Variants in KHDRBS2 observed in about 807,000 individuals in gnomAD.
KHDRBS2 encodes KH RNA binding domain containing, signal transduction associated 2.
Under a neutral mutation model 44.3 loss-of-function variants are expected in KHDRBS2, and 26 were observed. That is an observed-to-expected ratio of 0.59 (90% confidence interval 0.43 to 0.81). The LOEUF (loss-of-function observed/expected upper bound fraction) is 0.81, where lower values mean the gene tolerates loss of function less well. Ranked by LOEUF, KHDRBS2 falls within the 40% of genes least tolerant of loss-of-function variation. The pLI is 0.00. For missense variants in KHDRBS2, 476 were observed against 433.1 expected, an observed-to-expected ratio of 1.10 and a Z score of -0.88; for synonymous variants, 194 against 151.1, an observed-to-expected ratio of 1.28 and a Z score of -2.08.
At chr6:61,737,022 A>ATC (rs1562063090) in intron 6 of KHDRBS2, among the ~76,000 whole-genome samples, 1 of 152,106 alleles carries the variant, frequency 6.6e-6, no homozygotes, top group African/African-American at 2.4e-5. Context: ...ACAAATATAT[A>ATC]TTGAATTGTT....
At chr6:62,047,430 G>C (rs1026079106) in intron 3 of KHDRBS2, among the ~76,000 whole-genome samples, 1 of 151,884 alleles carries the variant, frequency 6.6e-6, no homozygotes, top group Non-Finnish European at 1.5e-5. Flanking sequence ...TAGATTTGCA[G>C]ATAAGTATTA....
chr6:62,252,489 TTTTA>T (rs1836714422), intron 1 of KHDRBS2, among the ~76,000 whole-genome samples: 1 of 151,982 alleles, frequency 6.6e-6, no homozygotes, highest in Non-Finnish European at 1.5e-5. Context: ...ATTGGATTTT[TTTTA>T]CCAGTTCTAT....
At chr6:62,234,551 C>T (rs1415155439) in intron 1 of KHDRBS2, among the ~76,000 whole-genome samples, 12 of 151,946 alleles carry the variant, frequency 7.9e-5, no homozygotes, top group Admixed American at 3.9e-4. Context: ...TTTAAAAATA[C>T]GGTTTTAAAA....
At chr6:61,641,098 T>C in the KHDRBS2 span, among the ~76,000 whole-genome samples, 2 of 152,156 alleles carry the variant, frequency 1.3e-5, no homozygotes, top group Admixed American at 1.3e-4. Flanking sequence ...TTCCCAGTTT[T>C]CAATCACCAT....
intron 4 of KHDRBS2, among the ~76,000 whole-genome samples, chr6:61,905,106 G>C (rs1804721726): frequency 6.6e-6 from 1 of 152,140 alleles, no homozygotes; most frequent in South Asian, 2.1e-4. Flanking sequence ...ATAGCAATGA[G>C]TATTTTTAAG....
At chr6:62,242,912 G>T (rs1834925876) in intron 1 of KHDRBS2, among the ~76,000 whole-genome samples, 1 of 152,064 alleles carries the variant, frequency 6.6e-6, no homozygotes, top group South Asian at 2.1e-4. Flanking sequence ...TACTTTGTCA[G>T]GTGCCACAAC....
intron 2 of KHDRBS2, among the ~76,000 whole-genome samples, chr6:62,139,664 T>C (rs1484681582): frequency 6.6e-6 from 1 of 152,180 alleles, no homozygotes; most frequent in East Asian, 1.9e-4. Flanking sequence ...TCAATATACA[T>C]ATTTCACATT....
intron 3 of KHDRBS2, among the ~76,000 whole-genome samples, chr6:62,015,263 T>A (rs914114632): frequency 2.0e-5 from 3 of 152,198 alleles, no homozygotes; most frequent in Admixed American, 6.6e-5. Context: ...TTATACAATT[T>A]GATTTTTACA....
intron 2 of KHDRBS2, among the ~76,000 whole-genome samples, chr6:62,150,108 G>T (rs114801904): frequency 0.014 from 2,187 of 152,144 alleles, 22 homozygotes; most frequent in Middle Eastern, 0.092. Flanking sequence ...GTATAAGGGA[G>T]TCTTAGAGAG....
chr6:61,750,124 CCAA>C (rs775881112), intron 6 of KHDRBS2, among the ~76,000 whole-genome samples: 12 of 152,038 alleles, frequency 7.9e-5, no homozygotes, highest in Non-Finnish European at 1.6e-4. Context: ...AGCCACAGCA[CCAA>C]CAAGATAACA....
chr6:61,955,509 CACATAT>C lies in KHDRBS2; in HGVS notation c.483+22551_483+22556del, dbSNP rs1185539106. 2.6e-4 allele frequency among the ~76,000 whole-genome samples: 18 copies of C among 69,322 alleles called. 4 individuals are homozygous for C. The highest frequency in any genetic ancestry group is 6.4e-4 in the African/African-American group (10 of 15,618). 45.5% of individuals were successfully genotyped at this position (69,322 alleles called of 152,430 possible). On this transcript the variant is annotated intron_variant, in intron 4 of 8. Transcript: ENST00000281156. ...ATGTATGTATACATGTGTATATATA[CACATAT>C]GTATGTATGTATACATGTGTATATA...
the KHDRBS2 span, among the ~76,000 whole-genome samples, chr6:61,594,736 T>C: frequency 6.6e-6 from 1 of 152,104 alleles, no homozygotes; most frequent in Non-Finnish European, 1.5e-5. Context: ...AATAAATATG[T>C]TTACTATCTC....
intron 3 of KHDRBS2, among the ~76,000 whole-genome samples, chr6:62,028,341 A>G (rs969653016): frequency 2.0e-5 from 3 of 152,152 alleles, no homozygotes; most frequent in Non-Finnish European, 4.4e-5. Flanking sequence ...AATCTGGATA[A>G]GACTTAAGAT....
At chr6:61,671,628 A>G in the KHDRBS2 span, among the ~76,000 whole-genome samples, 1 of 151,714 alleles carries the variant, frequency 6.6e-6, no homozygotes, top group Non-Finnish European at 1.5e-5. Flanking sequence ...ACCTGTTACC[A>G]AAAACAGCTA....
intron 2 of KHDRBS2, among the ~76,000 whole-genome samples, chr6:62,103,212 A>T (rs1802304137): frequency 6.6e-6 from 1 of 152,038 alleles, no homozygotes; most frequent in South Asian, 2.1e-4. Flanking sequence ...TGACTTGAAG[A>T]TGGGGTTTCA....
chr6:61,665,349 T>C, the KHDRBS2 span, among the ~76,000 whole-genome samples: 1 of 151,352 alleles, frequency 6.6e-6, no homozygotes, highest in South Asian at 2.1e-4. Flanking sequence ...AATGTAAGGG[T>C]ATATTTTTAA....
intron 7 of KHDRBS2, among the ~76,000 whole-genome samples, chr6:61,699,303 G>C (rs1768293591): frequency 6.6e-6 from 1 of 151,734 alleles, no homozygotes; most frequent in Non-Finnish European, 1.5e-5. Context: ...AATTATTATT[G>C]GGCTAATTCA....
chr6:62,239,919 A>C (rs1834326139), intron 1 of KHDRBS2, among the ~76,000 whole-genome samples: 1 of 152,096 alleles, frequency 6.6e-6, no homozygotes, highest in African/African-American at 2.4e-5. Context: ...TCCTGACCTC[A>C]GGTGGTCCAC....
the KHDRBS2 span, among the ~76,000 whole-genome samples, chr6:61,590,880 A>G: frequency 4.6e-5 from 7 of 152,206 alleles, no homozygotes; most frequent in Non-Finnish European, 1.0e-4. Context: ...AATTCTGTTC[A>G]TAGTCATGGG....
Sources: gnomAD v4.1 joint callset for allele counts (sites outside exome capture counted in the v4.1 genomes callset) on GRCh38, gnomAD v4.1.1 for gene constraint, MANE v1.5 for transcripts, NCBI Gene and HGNC (gene_info 2026-07-23, HGNC 2026-07-21) for gene names.